The following CHPF variants were observed in gnomAD, a reference collection of about 807,000 sequenced individuals.
CHPF encodes the protein chondroitin polymerizing factor, also known as chondroitin polymerizing factor, non-catalytic subunit.
Under a neutral mutation model 55.1 loss-of-function variants are expected in CHPF, and 34 were observed. The observed-to-expected ratio is 0.62, with a 90% CI of 0.47 to 0.82. CHPF has a LOEUF of 0.82. Among genes scored for constraint, CHPF ranks in the 40% least tolerant of loss-of-function variants. The pLI, the probability that CHPF is intolerant of heterozygous loss-of-function variation, is 0.00. For missense variants in CHPF, 961 were observed against 1,106.1 expected (o/e 0.87, Z 1.86); for synonymous variants, 489 against 496.6 (o/e 0.98, Z 0.20).
rs1695219417 is a variant in CHPF at position 219,539,646 on chromosome 2, C to T, written c.2065G>A (p.Gly689Arg). ...FYNSDYVAARGRLAAASEQEE... is the reference protein window; with the variant it reads ...FYNSDYVAARRRLAAASEQEE... ...TGTTCTGAGGCTGCCGCCAGGCGCCCACGGGCTGCCACATAGTCGGAGTTG... is the reference window on the plus strand; with the variant it reads ...TGTTCTGAGGCTGCCGCCAGGCGCCTACGGGCTGCCACATAGTCGGAGTTG... Residue 689 changes from glycine to arginine, a missense_variant, in exon 4 of 4, where the codon GGG becomes AGG. Gly to Arg is a moderately radical substitution (Grantham distance 125). Transcript: ENST00000243776. The T allele has an allele frequency of 6.2e-7, 1 of 1,613,358 alleles. No individual in the cohort carries two copies. Among genetic ancestry groups the T allele is most frequent in the African/African-American group, 1.3e-5 (1 of 74,950 alleles).
rs376486363 is a variant in CHPF, at chr2:219,543,281, C to T, written c.258G>A (p.Pro86=). The part of the protein sequence containing the change: ...AGEGAGENWE[P]RVLPYHPAQP... ...GTGCAGGGTGGTAGGGCAAGACGCGCGGCTCCCAATTCTCCCCGGCGCCTT... is the reference window on the plus strand; with the variant it reads ...GTGCAGGGTGGTAGGGCAAGACGCGTGGCTCCCAATTCTCCCCGGCGCCTT... The change falls in exon 1 of 4, where the codon CCG becomes CCA. Residue 86 remains proline, a synonymous_variant. Transcript: ENST00000243776. The T allele has an allele frequency of 1.9e-6, 3 of 1,576,228 alleles. No homozygotes were observed. Among genetic ancestry groups the T allele is most frequent in the East Asian group, 2.4e-5 (1 of 41,628 alleles).
Position 219,539,670 on chromosome 2 carries a change from T to A in CHPF, c.2041A>T (p.Asn681Tyr). 1 of 1,613,530 alleles carries A rather than the reference T, an allele frequency of 6.2e-7. No individual in the cohort carries two copies. Among genetic ancestry groups the A allele is most frequent in the Non-Finnish European group, 8.5e-7 (1 of 1,179,950 alleles). The change falls in exon 4 of 4, where the codon AAC (asparagine) becomes TAC (tyrosine). Residue 681 changes from asparagine (N) to tyrosine (Y), a missense_variant. Around this residue, in one of 3 missense-constraint regions of CHPF, gnomAD observed 936 missense variants for 1,058.4 expected, o/e 0.88. Coordinates refer to ENST00000243776, the MANE Select transcript of CHPF (RefSeq NM_024536.6). Reference sequence around the variant, plus strand: ...CCACGGGCTGCCACATAGTCGGAGTTGTAGAAGCAGGCCTCGCTGGCTGCC... The same window carrying A: ...CCACGGGCTGCCACATAGTCGGAGTAGTAGAAGCAGGCCTCGCTGGCTGCC... ...RQAASEACFY[N>Y]SDYVAARGRL...
At position 219,542,013 on chromosome 2, in the gene CHPF, GC is replaced by G; in HGVS notation, c.490del (p.Ala164GlnfsTer3). 2 of 1,600,276 alleles carry G rather than the reference GC, an allele frequency of 1.2e-6. No homozygotes were observed. The highest frequency in any genetic ancestry group is 4.5e-5 in the East Asian group (2 of 44,088). On this transcript the variant is annotated frameshift_variant, in exon 2 of 4. Transcript: ENST00000243776. LOFTEE classifies it high-confidence loss of function. The stretch of plus-strand genomic sequence containing the variant: ...TCGCTCCTCGCCTAGCGTCACCACT[GC>G]CATGCCAGGTGGGGCCCGGCGGCCC... Reference protein sequence around the residue: ...ARGRRAPPGMAVVTLGEERPI... With the variant: ...ARGRRAPPGMXVVTLGEERPI...
At chr2:219,540,718 G>C in intron 3 of CHPF, 76 bp from the exon 4 acceptor site, 2 of 1,436,542 alleles carry the variant, frequency 1.4e-6, no homozygotes, top group Non-Finnish European at 1.9e-6. Flanking sequence ...TGGGTAGGCA[G>C]TAGGTGCCAC....
chr2:219,540,805 A>G, intron 3 of CHPF, 141 bp downstream of exon 3: 8 of 1,310,108 alleles, frequency 6.1e-6, no homozygotes, highest in Non-Finnish European at 8.4e-6. Context: ...CAAGAGGCTC[A>G]TCAGAGAATG....
At chr2:219,542,412 G>A (rs541640399) in intron 1 of CHPF, among the ~76,000 whole-genome samples, 7 of 152,312 alleles carry the variant, frequency 4.6e-5, no homozygotes, top group Admixed American at 4.6e-4. Flanking sequence ...TACCCACCCA[G>A]ATAGGAGAGA....
Position 219,541,115 on chromosome 2 carries a change from T to C in CHPF, c.899A>G (p.Tyr300Cys). ...CCCAGGGCTCAGCTCCAGATGGCTA[T>C]AGTGCACCCCCTGGGGAGAGGAAGG... ...GCTGDHEGVH[Y>C]SHLELSPGEP... The change falls in exon 3 of 4, where the codon TAT (tyrosine) becomes TGT (cysteine). Residue 300 changes from tyrosine (Y) to cysteine (C), a missense_variant. This residue lies in a region of CHPF where 936 missense variants were observed against 1,058.4 expected (regional missense o/e 0.88). Transcript: ENST00000243776. 6.2e-7 allele frequency: 1 copy of C among 1,603,642 alleles called. No individual in the cohort carries two copies. The highest frequency in any genetic ancestry group is 8.5e-7 in the Non-Finnish European group (1 of 1,175,970).
rs552002112 is a variant in CHPF at position 219,540,557 on chromosome 2, G to A, written c.1154C>T (p.Pro385Leu). The change falls in exon 4 of 4, where the codon CCG (proline) becomes CTG (leucine). Residue 385 changes from proline to leucine, a missense_variant. By Grantham distance (98) the Pro-to-Leu change is moderately conservative (BLOSUM62 -3). This residue lies in a region of CHPF where 936 missense variants were observed against 1,058.4 expected (regional missense o/e 0.88). Transcript: ENST00000243776. ...WPVGIPAPSR[P>L]ASRFEVLRWD... ...GCGCAGCACCTCAAAGCGGGAGGCC[G>A]GGCGGGATGGTGCTGGAATACCCAC... is the stretch of plus-strand genomic sequence containing the variant. 43 of 1,613,786 alleles carry A rather than the reference G, an allele frequency of 2.7e-5. No individual in the cohort carries two copies. The highest frequency in any genetic ancestry group is 1.7e-4 in the Middle Eastern group (1 of 6,060).
rs1324457813 is a variant in CHPF, at chr2:219,541,121, A to G, written c.893T>C (p.Val298Ala). 6.3e-7 allele frequency: 1 copy of G among 1,597,160 alleles called. No homozygotes were observed. Among genetic ancestry groups the G allele is most frequent in the African/African-American group, 1.3e-5 (1 of 74,130 alleles). Reference protein sequence around the residue: ...GVGCTGDHEGVHYSHLELSPG... With the variant: ...GVGCTGDHEGAHYSHLELSPG... ...GCTCAGCTCCAGATGGCTATAGTGCACCCCCTGGGGAGAGGAAGGGAAGGG... is the reference window on the plus strand; with the variant it reads ...GCTCAGCTCCAGATGGCTATAGTGCGCCCCCTGGGGAGAGGAAGGGAAGGG... Residue 298 changes from valine (V) to alanine (A), a missense_variant, in exon 3 of 4, where the codon GTG becomes GCG. Around this residue, in one of 3 missense-constraint regions of CHPF, gnomAD observed 936 missense variants for 1,058.4 expected, o/e 0.88. Transcript: ENST00000243776.
chr2:219,540,391 G>C lies in CHPF; in HGVS notation c.1320C>G (p.Ala440=). Reference sequence around the variant, plus strand: ...CCAGCTGCTGCTTCTGGAGCCGCAAGGCCGGGTGGTAGCGGCGGTTCAGCT... The same window carrying C: ...CCAGCTGCTGCTTCTGGAGCCGCAACGCCGGGTGGTAGCGGCGGTTCAGCT... The part of the protein sequence containing the change: ...LEELNRRYHP[A]LRLQKQQLVN... Residue 440 remains alanine, a synonymous_variant, in exon 4 of 4, where the codon GCC becomes GCG. Coordinates refer to ENST00000243776, the MANE Select transcript of CHPF (RefSeq NM_024536.6). 6.2e-7 allele frequency: 1 copy of C among 1,614,092 alleles called. No homozygotes were observed.
chr2:219,539,591 A>G lies in CHPF; in HGVS notation c.2120T>C (p.Val707Ala). 2 of 1,613,914 alleles carry G rather than the reference A, an allele frequency of 1.2e-6. No homozygotes were observed. Among genetic ancestry groups the G allele is most frequent in the Non-Finnish European group, 1.7e-6 (2 of 1,179,960 alleles). The change falls in exon 4 of 4, where the codon GTG (valine) becomes GCG (alanine). Residue 707 changes from valine to alanine, a missense_variant. Physicochemically the swap from Val to Ala is moderately conservative, Grantham distance 64. Coordinates refer to ENST00000243776, the MANE Select transcript of CHPF (RefSeq NM_024536.6). Reference sequence around the variant, plus strand: ...GGAGAAGTGGAGGAACAGCTCGTACACATCCAGGCTCTCCAGCAGCTCCTC... The same window carrying G: ...GGAGAAGTGGAGGAACAGCTCGTACGCATCCAGGCTCTCCAGCAGCTCCTC... ...QEEELLESLD[V>A]YELFLHFSSL...
rs1252179808 is a variant in CHPF, at chr2:219,539,595, C to T, written c.2116G>A (p.Asp706Asn). ...AAGTGGAGGAACAGCTCGTACACAT[C>T]CAGGCTCTCCAGCAGCTCCTCTTCT... The part of the protein sequence containing the change: ...EQEEELLESL[D>N]VYELFLHFSS... The change falls in exon 4 of 4, where the codon GAT (aspartate) becomes AAT (asparagine). Residue 706 changes from aspartate to asparagine, a missense_variant. Asp to Asn is a conservative substitution (Grantham distance 23, BLOSUM62 1). Coordinates refer to ENST00000243776, the MANE Select transcript of CHPF (RefSeq NM_024536.6). The T allele has an allele frequency of 6.2e-7, 1 of 1,613,932 alleles. No individual in the cohort carries two copies. The highest frequency in any genetic ancestry group is 8.5e-7 in the Non-Finnish European group (1 of 1,179,974).
In CHPF at chr2:219,543,317, G is replaced by C; in HGVS notation, c.222C>G (p.Pro74=). The part of the protein sequence containing the change: ...SVQPGAEREK[P]GAGEGAGENW... ...TCTCCCCGGCGCCTTCGCCGGCCCC[G>C]GGCTTCTCGCGCTCCGCTCCGGGCT... Residue 74 remains proline, a synonymous_variant, in exon 1 of 4, where the codon CCC becomes CCG. Coordinates refer to ENST00000243776, the MANE Select transcript of CHPF (RefSeq NM_024536.6). 1.3e-6 allele frequency: 2 copies of C among 1,573,566 alleles called. No individual in the cohort carries two copies. The highest frequency in any genetic ancestry group is 1.7e-6 in the Non-Finnish European group (2 of 1,169,618).
chr2:219,541,145 G>C lies in CHPF; in HGVS notation c.889-20C>G. 1 of 1,565,382 alleles carries C rather than the reference G, an allele frequency of 6.4e-7. No individual in the cohort carries two copies. Among genetic ancestry groups the C allele is most frequent in the Non-Finnish European group, 8.6e-7 (1 of 1,157,956 alleles). ...CACCCCCTGGGGAGAGGAAGGGAAG[G>C]GATCTGTGATGAGCTGGCATTGTCT... is the stretch of plus-strand genomic sequence containing the variant. On this transcript the variant is annotated intron_variant, in intron 2 of 3. Coordinates refer to ENST00000243776, the MANE Select transcript of CHPF (RefSeq NM_024536.6).
At position 219,539,623 on chromosome 2, in the gene CHPF, T is replaced by G; in HGVS notation, c.2088A>C (p.Glu696Asp). 1 of 1,613,874 alleles carries G rather than the reference T, an allele frequency of 6.2e-7. No homozygotes were observed. The highest frequency in any genetic ancestry group is 1.6e-4 in the Middle Eastern group (1 of 6,062). Residue 696 changes from glutamate to aspartate, a missense_variant, in exon 4 of 4, where the codon GAA becomes GAC. Physicochemically the swap from Glu to Asp is conservative, Grantham distance 45. Coordinates refer to ENST00000243776, the MANE Select transcript of CHPF (RefSeq NM_024536.6). ...AARGRLAAASEQEEELLESLD... is the reference protein window; with the variant it reads ...AARGRLAAASDQEEELLESLD... ...GGCTCTCCAGCAGCTCCTCTTCTTG[T>G]TCTGAGGCTGCCGCCAGGCGCCCAC...
intron 2 of CHPF, 194 bp downstream of exon 2, chr2:219,541,422 A>G (rs35417960): frequency 0.22 from 125,974 of 564,070 alleles, 15,967 homozygotes; most frequent in Non-Finnish European, 0.26. Context: ...AACCCCGAGC[A>G]ATAATTATTT....
At position 219,543,414 on chromosome 2, in the gene CHPF, G is replaced by C. The variant is rs1695321398; in HGVS notation, c.125C>G (p.Pro42Arg). 1 of 1,533,906 alleles carries C rather than the reference G, an allele frequency of 6.5e-7. No homozygotes were observed. The highest frequency in any genetic ancestry group is 8.7e-7 in the Non-Finnish European group (1 of 1,151,326). The change falls in exon 1 of 4, where the codon CCG becomes CGG. Residue 42 changes from proline (P) to arginine (R), a missense_variant. Pro to Arg is a moderately radical substitution (Grantham distance 103, BLOSUM62 -2). Around this residue, in one of 3 missense-constraint regions of CHPF, gnomAD observed 936 missense variants for 1,058.4 expected, o/e 0.88. Transcript: ENST00000243776. ...CAGCTCAGAGTCTCCAGGTTGGGGC[G>C]GGCCTGGGCCGCACGGCTCCTCCAC... ...TWVEEPCGPGPPQPGDSELPP... is the reference protein window; with the variant it reads ...TWVEEPCGPGRPQPGDSELPP...
In CHPF at chr2:219,539,619, C is replaced by G. The variant is rs143750392; in HGVS notation, c.2092G>C (p.Glu698Gln). The change falls in exon 4 of 4, where the codon GAA becomes CAA. Residue 698 changes from glutamate (E) to glutamine (Q), a missense_variant. By Grantham distance (29) the Glu-to-Gln change is conservative. Transcript: ENST00000243776. ...RGRLAAASEQEEELLESLDVY... is the reference protein window; with the variant it reads ...RGRLAAASEQQEELLESLDVY... ...TCCAGGCTCTCCAGCAGCTCCTCTTCTTGTTCTGAGGCTGCCGCCAGGCGC... is the reference window on the plus strand; with the variant it reads ...TCCAGGCTCTCCAGCAGCTCCTCTTGTTGTTCTGAGGCTGCCGCCAGGCGC... 1.1e-5 allele frequency: 17 copies of G among 1,613,822 alleles called. No individual in the cohort carries two copies. The highest frequency in any genetic ancestry group is 4.5e-5 in the East Asian group (2 of 44,884).
In CHPF at chr2:219,540,310, C is replaced by T; in HGVS notation, c.1401G>A (p.Leu467=). The T allele has an allele frequency of 6.2e-7, 1 of 1,613,958 alleles. No homozygotes were observed. The highest frequency in any genetic ancestry group is 8.5e-7 in the Non-Finnish European group (1 of 1,179,976). The change falls in exon 4 of 4, where the codon TTG becomes TTA. Residue 467 remains leucine (L), a synonymous_variant. Coordinates refer to ENST00000243776, the MANE Select transcript of CHPF (RefSeq NM_024536.6). The part of the protein sequence containing the change: ...PARGMEYTLD[L]QLEALTPQGG... ...CCTGGGGGGTCAGTGCCTCCAGCTG[C>T]AAGTCCAGCGTGTATTCCATACCCC...
Sources: gnomAD v4.1 joint callset for allele counts (sites outside exome capture counted in the v4.1 genomes callset) on GRCh38, gnomAD v4.1.1 for gene constraint, gnomAD v4.1.1 regional missense constraint, MANE v1.5 for transcripts, NCBI Gene and HGNC (gene_info 2026-07-23, HGNC 2026-07-21) for gene names.